The following NAA38 variants were observed in gnomAD, a reference collection of about 807,000 sequenced individuals.
The protein encoded by NAA38 is N-alpha-acetyltransferase 38, NatC auxiliary subunit.
In NAA38, 15 loss-of-function variants were observed where a neutral mutation model predicts 12.6. The ratio of observed to expected loss-of-function variants is 1.19; its 90% CI spans 0.79 to 1.83. The LOEUF (loss-of-function observed/expected upper bound fraction) is 1.83, where lower values mean the gene tolerates loss of function less well. NAA38 is among the 40% of genes most tolerant of loss of function. NAA38 has a pLI of 0.00. For synonymous variants in NAA38, 88 were observed against 69.9 expected (o/e 1.26, Z -1.29); for missense variants, 183 against 171.7 (o/e 1.07, Z -0.37).
intron 2 of NAA38, among the ~76,000 whole-genome samples, chr17:7,882,698 A>T (rs1175409065): frequency 1.3e-5 from 2 of 152,138 alleles, no homozygotes; most frequent in African/African-American, 2.4e-5. Context: ...AAAAAAAAAG[A>T]GATGGAAACC....
chr17:7,862,190 C>T (rs547868224), upstream of NAA38: 18 of 152,314 alleles, frequency 1.2e-4, no homozygotes, highest in African/African-American at 3.8e-4. Context: ...TGTAAGCTCA[C>T]GAGGGCAGAG....
At chr17:7,871,899 C>T (rs1039818920) in intron 2 of NAA38, among the ~76,000 whole-genome samples, 4 of 152,176 alleles carry the variant, frequency 2.6e-5, no homozygotes, top group African/African-American at 9.7e-5. Flanking sequence ...AAGTGACCCA[C>T]CCACCTCGGC....
At chr17:7,884,985 G>A (rs1967525684) in intron 1 of NAA38, 13 of 1,265,076 alleles carry the variant, frequency 1.0e-5, no homozygotes, top group Non-Finnish European at 1.0e-5. Context: ...GGCCACGACC[G>A]GGGCCGCGAC....
intron 2 of NAA38, among the ~76,000 whole-genome samples, chr17:7,872,455 C>T (rs1217761924): frequency 4.6e-5 from 7 of 152,178 alleles, no homozygotes; most frequent in Non-Finnish European, 7.3e-5. Flanking sequence ...CTGCAACCTC[C>T]GCGTTCAGGT....
intron 2 of NAA38, among the ~76,000 whole-genome samples, chr17:7,868,089 T>G (rs1423546812): frequency 6.6e-6 from 1 of 151,584 alleles, no homozygotes; most frequent in African/African-American, 2.4e-5. Context: ...TGGGCTAGAG[T>G]TATAGGTGTG....
intron 2 of NAA38, 70 bp downstream of exon 2, chr17:7,856,945 C>G: frequency 6.3e-7 from 1 of 1,588,970 alleles, no homozygotes; most frequent in Non-Finnish European, 8.6e-7. Flanking sequence ...CAGCCAGGCC[C>G]TTAAGGGGAA....
chr17:7,861,684 ATCT>A (rs1191746570), upstream of NAA38: 1 of 152,094 alleles, frequency 6.6e-6, no homozygotes, highest in Non-Finnish European at 1.5e-5. Context: ...TCTGGAACCT[ATCT>A]TCTTTTCTCC....
rs1480606791 is a variant in NAA38, at chr17:7,857,055, A to G, written c.225T>C (p.Asn75=). 2 of 1,613,050 alleles carry G rather than the reference A, an allele frequency of 1.2e-6. No individual in the cohort carries two copies. The change falls in exon 2 of 3, where the codon AAT becomes AAC. Residue 75 remains asparagine (N), a synonymous_variant. Coordinates refer to ENST00000575771, the MANE Select transcript of NAA38 (RefSeq NM_001320925.4). ...GCFLCTDRDC[N]VILGSAQEFL... ...ACTCCTGCGCCGAGCCCAGGATGAC[A>G]TTGCAGTCACGGTCAGTGCAGAGGA... is the stretch of plus-strand genomic sequence containing the variant.
intron 2 of NAA38, among the ~76,000 whole-genome samples, chr17:7,870,759 C>T (rs375523513): frequency 9.9e-5 from 15 of 151,812 alleles, no homozygotes; most frequent in Middle Eastern, 3.4e-3. Context: ...CAGTGGTGCA[C>T]GCCTGTAATC....
intron 1 of NAA38, among the ~76,000 whole-genome samples, chr17:7,884,237 A>C (rs2151397743): frequency 6.6e-6 from 1 of 150,516 alleles, no homozygotes; most frequent in African/African-American, 2.4e-5. Context: ...TGAAATATTA[A>C]GCCAGCCATT....
At chr17:7,875,105 G>A (rs1967152913) in intron 2 of NAA38, among the ~76,000 whole-genome samples, 1 of 150,584 alleles carries the variant, frequency 6.6e-6, no homozygotes, top group African/African-American at 2.4e-5. Context: ...TGAGGGAGGA[G>A]GAAAGCTTGA....
chr17:7,875,342 G>C (rs963142020), intron 2 of NAA38, among the ~76,000 whole-genome samples: 1 of 147,746 alleles, frequency 6.8e-6, no homozygotes, highest in Admixed American at 6.8e-5. Context: ...GGTTTGTACT[G>C]TTTTTTTTTT....
chr17:7,858,477 G>A (rs2078852777), upstream of NAA38: 4 of 1,614,106 alleles, frequency 2.5e-6, no homozygotes, highest in Non-Finnish European at 3.4e-6. Flanking sequence ...AAAGACCAGA[G>A]ACGTGAGTTA....
At chr17:7,885,027 CGCCGCCGCCGCCGCCGCCGCCACCGCT>C in intron 1 of NAA38, 1 of 1,046,732 alleles carries the variant, frequency 9.6e-7, no homozygotes, top group Non-Finnish European at 1.2e-6. Flanking sequence ...CACCTCTTCC[CGCCGCCGCCGCCGCCGCCGCCACCGCT>C]GCCCCCGCCG....
chr17:7,866,427 GT>G lies in NAA38; in HGVS notation c.3+63del, dbSNP rs1273103311. On this transcript the variant is annotated intron_variant, in intron 3 of 4. Transcript: ENST00000576861. Reference sequence around the variant, plus strand: ...CCGGCCGCCACGGGGAACTTTTAAAGTTCCCATGTTAAAAGTCTTCAAAGGC... The same window carrying G: ...CCGGCCGCCACGGGGAACTTTTAAAGTCCCATGTTAAAAGTCTTCAAAGGC... 6.6e-6 allele frequency: 8 copies of G among 1,211,986 alleles called. No individual in the cohort carries two copies. In the African/African-American group the frequency reaches 9.4e-5, roughly 14 times the overall value. The allele number at this position is 1,211,986 out of a possible 1,614,324, so 75.1% of individuals were successfully genotyped here.
intron 2 of NAA38, among the ~76,000 whole-genome samples, chr17:7,873,319 G>A (rs748167434): frequency 7.2e-5 from 11 of 152,178 alleles, no homozygotes; most frequent in Non-Finnish European, 1.5e-4. Context: ...CAGACGTCAA[G>A]CAAATTCTTT....
At chr17:7,884,239 C>A (rs2151397754) in intron 1 of NAA38, among the ~76,000 whole-genome samples, 1 of 150,314 alleles carries the variant, frequency 6.7e-6, no homozygotes, top group South Asian at 2.1e-4. Context: ...AAATATTAAG[C>A]CAGCCATTTT....
chr17:7,856,749 G>C lies in NAA38; in HGVS notation c.360C>G (p.Thr120=). The C allele has an allele frequency of 6.2e-7, 1 of 1,613,900 alleles. No homozygotes were observed. The highest frequency in any genetic ancestry group is 8.5e-7 in the Non-Finnish European group (1 of 1,179,916). The change falls in exon 3 of 3, where the codon ACC becomes ACG. Residue 120 remains threonine, a synonymous_variant. Transcript: ENST00000575771. Reference sequence around the variant, plus strand: ...ATCGTGGTCAGAGATACGGAGGCCCGGTCAGACTCTCCCTCTGCACCTCAA... The same window carrying C: ...ATCGTGGTCAGAGATACGGAGGCCCCGTCAGACTCTCCCTCTGCACCTCAA... ...VSIEVQRESL[T]GPPYL is the part of the protein sequence containing the mutation.
intron 3 of NAA38, chr17:7,865,679 G>C (rs1302509055): frequency 6.6e-6 from 1 of 152,132 alleles, no homozygotes; most frequent in Non-Finnish European, 1.5e-5. Context: ...AAGAGTCTCG[G>C]AATTACACTG....
Sources: allele counts gnomAD v4.1 joint callset (sites outside exome capture counted in the v4.1 genomes callset), GRCh38; gene constraint gnomAD v4.1.1; transcripts MANE v1.5; gene names NCBI Gene and HGNC (gene_info 2026-07-23, HGNC 2026-07-21).